MYO9A: variants seen among roughly 807,000 people sequenced by gnomAD.
The protein encoded by MYO9A is myosin IXA, also known as unconventional myosin-IXa.
Under a neutral mutation model 293.3 loss-of-function variants are expected in MYO9A, and 103 were observed. That is an observed-to-expected ratio of 0.35 (90% CI 0.30 to 0.41). The LOEUF is 0.41. Among genes scored for constraint, MYO9A ranks in the 10% least tolerant of loss-of-function variants. MYO9A has a pLI of 1.00. For synonymous variants in MYO9A, 1,001 were observed against 1,035.7 expected (o/e 0.97, Z 0.64); for missense variants, 2,685 against 3,033.0 (o/e 0.89, Z 2.69).
At chr15:72,062,042 A>G (rs904756941) in intron 1 of MYO9A, among the ~76,000 whole-genome samples, 1 of 152,180 alleles carries the variant, frequency 6.6e-6, no homozygotes, top group Admixed American at 6.5e-5. Context: ...AGAACAAGAG[A>G]TTCTGCCTGG....
rs769653223 is a variant in MYO9A at position 71,888,131 on chromosome 15, T to C, written c.5143-15A>G. On this transcript the variant is annotated splice_polypyrimidine_tract_variant and intron_variant, in intron 26 of 41. Coordinates refer to ENST00000356056, the MANE Select transcript of MYO9A (RefSeq NM_006901.4). ...CGCTGTGATGTCTGTAATAATTACA[T>C]ATGTGAAAGATTTAATGCCAAGTAA... 2.2e-5 allele frequency: 31 copies of C among 1,431,312 alleles called. No individual in the cohort carries two copies. Among genetic ancestry groups the C allele is most frequent in the Admixed American group, 3.6e-5 (2 of 55,962 alleles). The allele number at this position is 1,431,312 out of a possible 1,614,324, so 88.7% of individuals were successfully genotyped here. A position where few individuals can be genotyped will look rare whatever the true frequency, so the allele number is the denominator to read the frequency against.
At chr15:72,033,905 A>C (rs181779073) in intron 2 of MYO9A, among the ~76,000 whole-genome samples, 218 of 152,332 alleles carry the variant, frequency 1.4e-3, no homozygotes, top group African/African-American at 4.6e-3. Flanking sequence ...CACAGAGATG[A>C]TTCATTGCGG....
intron 2 of MYO9A, among the ~76,000 whole-genome samples, chr15:72,037,252 A>T (rs2149511779): frequency 8.7e-6 from 1 of 115,182 alleles, no homozygotes; most frequent in Admixed American, 9.7e-5. Context: ...TGGCAATAAC[A>T]GAATGGGGCA....
intron 12 of MYO9A, among the ~76,000 whole-genome samples, chr15:71,974,705 T>G (rs1317422269): frequency 1.3e-5 from 2 of 152,096 alleles, no homozygotes; most frequent in Middle Eastern, 3.4e-3. Flanking sequence ...TCTAGCAAAA[T>G]TGGGGCTAAG....
At chr15:71,931,928 T>G (rs2058485881) in intron 18 of MYO9A, among the ~76,000 whole-genome samples, 1 of 151,822 alleles carries the variant, frequency 6.6e-6, no homozygotes, top group South Asian at 2.1e-4. Flanking sequence ...TTTTGTTGTC[T>G]CCAGGAAATT....
At chr15:72,005,864 T>C (rs984885881) in intron 8 of MYO9A, among the ~76,000 whole-genome samples, 2 of 152,208 alleles carry the variant, frequency 1.3e-5, no homozygotes, top group Admixed American at 1.3e-4. Flanking sequence ...TTTAGACCAC[T>C]TAAGGTTAAA....
rs1482850625 is a variant in MYO9A at position 71,887,996 on chromosome 15, C to CT, written c.5255+7dup. Reference sequence around the variant, plus strand: ...ATAACCCCTGTTAACTCCGTGTATACTTTATACCTTATATCTGAATCTGAA... The same window carrying CT: ...ATAACCCCTGTTAACTCCGTGTATACTTTTATACCTTATATCTGAATCTGAA... On this transcript the variant is annotated splice_region_variant and intron_variant, in intron 27 of 41. Coordinates refer to ENST00000356056, the MANE Select transcript of MYO9A (RefSeq NM_006901.4). The CT allele has an allele frequency of 6.7e-7, 1 of 1,484,482 alleles. No homozygotes were observed. Among genetic ancestry groups the CT allele is most frequent in the East Asian group, 2.3e-5 (1 of 43,588 alleles). The allele number at this position is 1,484,482 out of a possible 1,614,324, so 92.0% of individuals were successfully genotyped here.
upstream of MYO9A, chr15:72,118,256 C>T (rs1261611637): frequency 3.1e-6 from 1 of 325,432 alleles, no homozygotes; most frequent in Non-Finnish European, 5.6e-6. Context: ...GCAGACACGC[C>T]CCCTTTCCTA....
At chr15:72,032,693 A>C (rs558280134) in intron 2 of MYO9A, 105 bp from the exon 3 acceptor site, 3 of 610,406 alleles carry the variant, frequency 4.9e-6, no homozygotes, top group Non-Finnish European at 7.9e-6. Flanking sequence ...CAAAATGTTA[A>C]AGAGACAGTA....
Position 71,898,168 on chromosome 15 carries a change from C to T in MYO9A, c.4335G>A (p.Leu1445=), listed in dbSNP as rs1403042386. 1 of 1,614,006 alleles carries T rather than the reference C, an allele frequency of 6.2e-7. No individual in the cohort carries two copies. Among genetic ancestry groups the T allele is most frequent in the Non-Finnish European group, 8.5e-7 (1 of 1,180,004 alleles). ...CTTCCCCCGCTGTGTCTTCATTTTC[C>T]AATAGTTTGTTTCTTTGGATACTTG... The part of the protein sequence containing the change: ...LDTSIQRNKL[L]ENEDTAGEAL... Residue 1445 remains leucine (L), a synonymous_variant, in exon 25 of 42, where the codon TTG becomes TTA. Coordinates refer to ENST00000356056, the MANE Select transcript of MYO9A (RefSeq NM_006901.4).
At chr15:71,860,021 TG>T (rs1411004054) in intron 33 of MYO9A, among the ~76,000 whole-genome samples, 1 of 152,296 alleles carries the variant, frequency 6.6e-6, no homozygotes, top group East Asian at 1.9e-4. Flanking sequence ...CCACAGTCAA[TG>T]AAAAAGCTTT....
chr15:72,036,616 C>T (rs1166140203), intron 2 of MYO9A: 2 of 152,106 alleles, frequency 1.3e-5, no homozygotes, highest in African/African-American at 4.8e-5. Context: ...GGAACTCATC[C>T]AAACTCCACT....
intron 18 of MYO9A, among the ~76,000 whole-genome samples, chr15:71,927,901 C>A: frequency 6.7e-6 from 1 of 149,438 alleles, no homozygotes; most frequent in Non-Finnish European, 1.5e-5. Flanking sequence ...GTGTCCTTGG[C>A]ACCTTTGTTT....
intron 18 of MYO9A, among the ~76,000 whole-genome samples, chr15:71,922,430 A>ATACTTATTATT (rs1346609229): frequency 4.6e-5 from 7 of 152,240 alleles, no homozygotes; most frequent in Admixed American, 3.9e-4. Flanking sequence ...AGGCTAAATA[A>ATACTTATTATT]AATATCTCAC....
chr15:72,046,050 G>A lies in MYO9A; in HGVS notation c.514C>T (p.His172Tyr), dbSNP rs775541930. The A allele has an allele frequency of 1.2e-6, 2 of 1,613,382 alleles. No homozygotes were observed. Among genetic ancestry groups the A allele is most frequent in the East Asian group, 4.5e-5 (2 of 44,878 alleles). ...LLENLRNRFKHEKIYTYVGSI... is the reference protein window; with the variant it reads ...LLENLRNRFKYEKIYTYVGSI... ...CCAACATAGGTATAAATTTTTTCAT[G>A]CTTAAAGCGATTTCGTAGGTTTTCT... The change falls in exon 2 of 42, where the codon CAT becomes TAT. Residue 172 changes from histidine (H) to tyrosine (Y), a missense_variant. This residue lies in a region of MYO9A where 289 missense variants were observed against 456.8 expected (regional missense o/e 0.63). Transcript: ENST00000356056.
intron 13 of MYO9A, 111 bp downstream of exon 13, chr15:71,967,873 C>A: frequency 9.9e-7 from 1 of 1,013,252 alleles, no homozygotes; most frequent in Non-Finnish European, 1.4e-6. Context: ...TACAATATCT[C>A]CAGTTATTAC....
chr15:71,876,425 A>ATTTTTT (rs397854202), intron 31 of MYO9A, among the ~76,000 whole-genome samples: 2 of 61,070 alleles, frequency 3.3e-5, no homozygotes, highest in Non-Finnish European at 5.6e-5. Context: ...CCTGGCTGGT[A>ATTTTTT]TTTTTTTTTT....
chr15:71,904,128 A>C, intron 20 of MYO9A, 89 bp from the exon 21 acceptor site: 1 of 1,022,894 alleles, frequency 9.8e-7, no homozygotes, highest in East Asian at 2.6e-5. Context: ...TTGAGTATCT[A>C]GAGATTGACT....
intron 1 of MYO9A, among the ~76,000 whole-genome samples, chr15:72,097,465 C>T (rs2080100888): frequency 6.6e-6 from 1 of 152,110 alleles, no homozygotes; most frequent in South Asian, 2.1e-4. Context: ...GACTATAGTA[C>T]AGTATAAACA....
Sources: gnomAD v4.1 joint callset for allele counts (sites outside exome capture counted in the v4.1 genomes callset) on GRCh38, gnomAD v4.1.1 for gene constraint, gnomAD v4.1.1 regional missense constraint, MANE v1.5 for transcripts, NCBI Gene and HGNC (gene_info 2026-07-23, HGNC 2026-07-21) for gene names.